The following LHB variants were observed in gnomAD, a reference collection of about 807,000 sequenced individuals.
The protein encoded by LHB is lutropin subunit beta.
Under a neutral mutation model 10.6 loss-of-function variants are expected in LHB, and 11 were observed. The ratio of observed to expected loss-of-function variants is 1.04; its 90% CI spans 0.66 to 1.72. LHB has a LOEUF of 1.72. LHB is among the 40% of genes most tolerant of loss of function. The probability of loss-of-function intolerance (pLI) is 0.00; values close to 1 mark genes in which losing one functional copy is unlikely to be tolerated. For missense variants in LHB, 184 were observed against 197.3 expected, an observed-to-expected ratio of 0.93 and a Z score of 0.41; for synonymous variants, 86 against 83.1, an observed-to-expected ratio of 1.03 and a Z score of -0.19.
chr19:49,017,445 G>T, upstream of LHB: 1 of 1,147,002 alleles, frequency 8.7e-7, no homozygotes, highest in Non-Finnish European at 1.1e-6. Context: ...AAAGGTGCTG[G>T]ACTGAAGCCT....
upstream of LHB, chr19:49,017,120 C>G (rs374527098): frequency 3.1e-6 from 5 of 1,613,864 alleles, no homozygotes; most frequent in Non-Finnish European, 4.2e-6. Context: ...TGGCTATATA[C>G]CTCGGGGTTG....
upstream of LHB, chr19:49,019,258 C>T (rs1600208651): frequency 4.6e-6 from 6 of 1,305,994 alleles, no homozygotes; most frequent in Non-Finnish European, 5.8e-6. Context: ...AACTCAAACC[C>T]AAGCCCCCAG....
Position 49,016,535 on chromosome 19 carries a change from C to CG in LHB, c.183+11_183+12insC, listed in dbSNP as rs2039557021. On this transcript the variant is annotated intron_variant, in intron 2 of 2. Coordinates refer to ENST00000649238, the MANE Select transcript of LHB (RefSeq NM_000894.3). ...AGGTGGCAGCATCTGCCCCTGGCCC[C>CG]AGGCAGCTCACCATGGTGGGGCAGT... The CG allele has an allele frequency of 6.2e-7, 1 of 1,601,164 alleles. No individual in the cohort carries two copies. The highest frequency in any genetic ancestry group is 8.5e-7 in the Non-Finnish European group (1 of 1,177,388).
At chr19:49,017,816 T>C, upstream of LHB, 1 of 400,160 alleles carries the variant, frequency 2.5e-6, no homozygotes, top group Non-Finnish European at 4.4e-6. Flanking sequence ...GCTGAGTGGG[T>C]GTCTGGGCTA....
Position 49,016,093 on chromosome 19 carries a change from T to TG in LHB, c.400dup (p.Gln134ProfsTer33). 1 of 1,612,954 alleles carries TG rather than the reference T, an allele frequency of 6.2e-7. No individual in the cohort carries two copies. Among genetic ancestry groups the TG allele is most frequent in the Non-Finnish European group, 8.5e-7 (1 of 1,179,966 alleles). ...TTAGAGGAAGAGGAGGCCTGAGAGTTGGGGGTGGTCACAGGTCAAGGGGTG... is the reference window on the plus strand; with the variant it reads ...TTAGAGGAAGAGGAGGCCTGAGAGTTGGGGGGTGGTCACAGGTCAAGGGGTG... On this transcript the variant is annotated frameshift_variant, in exon 3 of 3. Coordinates refer to ENST00000649238, the MANE Select transcript of LHB (RefSeq NM_000894.3). LOFTEE classifies it high-confidence loss of function.
chr19:49,019,058 A>C (rs977955899), upstream of LHB: 13 of 1,475,374 alleles, frequency 8.8e-6, no homozygotes, highest in Non-Finnish European at 1.2e-5. Flanking sequence ...CCCCATCCCA[A>C]GCCCTGGGTC....
At chr19:49,017,211 A>G, upstream of LHB, 2 of 1,482,742 alleles carry the variant, frequency 1.3e-6, no homozygotes, top group African/African-American at 1.4e-5. Context: ...AGAGGTGCAC[A>G]TGGCCAGGGA....
upstream of LHB, chr19:49,019,205 C>T: frequency 1.4e-6 from 2 of 1,397,292 alleles, no homozygotes; most frequent in Non-Finnish European, 1.9e-6. Flanking sequence ...GAACCCTTCC[C>T]AGCCTCACCT....
chr19:49,016,877 A>G, intron 1 of LHB, 163 bp from the exon 2 acceptor site: 2 of 1,577,242 alleles, frequency 1.3e-6, no homozygotes, highest in Non-Finnish European at 8.6e-7. Flanking sequence ...CCCACCCCAC[A>G]GCCCAGAGGA....
upstream of LHB, chr19:49,017,914 C>T (rs1016758364): frequency 1.0e-5 from 4 of 398,216 alleles, no homozygotes; most frequent in African/African-American, 2.1e-5. Context: ...TCCCGAGCTC[C>T]GCTCGGCAGC....
chr19:49,018,174 C>T (rs1188207488), upstream of LHB: 17 of 413,050 alleles, frequency 4.1e-5, no homozygotes, highest in Non-Finnish European at 6.7e-5. Flanking sequence ...TGCGGCATGG[C>T]CGAGGTCACC....
At chr19:49,018,241 A>C (rs1418662525), upstream of LHB, 1 of 808,494 alleles carries the variant, frequency 1.2e-6, no homozygotes, top group East Asian at 3.4e-5. Flanking sequence ...AGGAGCGCGG[A>C]CAGGGCGGCC....
upstream of LHB, among the ~76,000 whole-genome samples, chr19:49,018,617 C>A (rs2039594354): frequency 6.6e-6 from 1 of 152,036 alleles, no homozygotes. Context: ...GAGGCCCTGC[C>A]CTCAGATCCG....
upstream of LHB, chr19:49,018,854 G>A: frequency 1.3e-6 from 2 of 1,526,866 alleles, no homozygotes; most frequent in South Asian, 2.4e-5. Flanking sequence ...AGGCGGTGCC[G>A]AGCGAGAGCC....
upstream of LHB, chr19:49,017,889 C>T (rs1364550692): frequency 5.0e-6 from 2 of 398,138 alleles, no homozygotes; most frequent in Non-Finnish European, 4.4e-6. Flanking sequence ...CGGAACCCTT[C>T]CTAGTGAGCG....
At chr19:49,017,988 A>G (rs905333459), upstream of LHB, 9 of 398,408 alleles carry the variant, frequency 2.3e-5, no homozygotes, top group Non-Finnish European at 3.1e-5. Context: ...GCCGGCTTCA[A>G]GCTGCCATAG....
upstream of LHB, chr19:49,018,220 G>A (rs2039590673): frequency 4.9e-6 from 3 of 607,654 alleles, no homozygotes; most frequent in Non-Finnish European, 7.2e-6. Flanking sequence ...GCGGTGGTCG[G>A]GGCGGCCGGG....
upstream of LHB, chr19:49,017,839 C>T (rs769482817): frequency 2.3e-4 from 92 of 398,396 alleles, no homozygotes; most frequent in Non-Finnish European, 3.5e-4. Context: ...CCCGCCCCCA[C>T]GTTGCCAATA....
chr19:49,016,545 A>G lies in LHB; in HGVS notation c.183+2T>C. The G allele has an allele frequency of 1.2e-6, 2 of 1,606,188 alleles. No individual in the cohort carries two copies. The highest frequency in any genetic ancestry group is 1.7e-6 in the Non-Finnish European group (2 of 1,179,056). Reference sequence around the variant, plus strand: ...ATCTGCCCCTGGCCCCAGGCAGCTCACCATGGTGGGGCAGTAGCCGGCACA... The same window carrying G: ...ATCTGCCCCTGGCCCCAGGCAGCTCGCCATGGTGGGGCAGTAGCCGGCACA... On this transcript the variant is annotated splice_donor_variant, in intron 2 of 2. Transcript: ENST00000649238. LOFTEE classifies it high-confidence loss of function.
Sources: allele counts gnomAD v4.1 joint callset (sites outside exome capture counted in the v4.1 genomes callset), GRCh38; gene constraint gnomAD v4.1.1; transcripts MANE v1.5; gene names NCBI Gene and HGNC (gene_info 2026-07-23, HGNC 2026-07-21).